Variants in SH3RF3 observed in about 807,000 individuals in gnomAD.
SH3RF3 encodes E3 ubiquitin-protein ligase SH3RF3.
Under a neutral mutation model 66.3 loss-of-function variants are expected in SH3RF3, and 29 were observed. That is an observed-to-expected ratio of 0.44 (90% confidence interval 0.33 to 0.60). SH3RF3 has a LOEUF of 0.60. SH3RF3 is among the 20% of genes least tolerant of loss of function. The probability of loss-of-function intolerance (pLI) is 0.04; values close to 1 mark genes in which losing one functional copy is unlikely to be tolerated. For missense variants in SH3RF3, 1,194 were observed against 1,190.9 expected (o/e 1.00, Z -0.04); for synonymous variants, 583 against 532.0 (o/e 1.10, Z -1.32).
At chr2:109,198,724 T>A (rs962481697) in intron 1 of SH3RF3, among the ~76,000 whole-genome samples, 4 of 152,088 alleles carry the variant, frequency 2.6e-5, no homozygotes, top group South Asian at 4.1e-4. Context: ...TTCGTGAAGG[T>A]TCCACCCTCA....
chr2:109,382,159 G>A (rs1439845203), intron 3 of SH3RF3, among the ~76,000 whole-genome samples: 1 of 152,222 alleles, frequency 6.6e-6, no homozygotes, highest in Non-Finnish European at 1.5e-5. Context: ...AGCACCTATT[G>A]TTAGGGAGTT....
intron 8 of SH3RF3, among the ~76,000 whole-genome samples, chr2:109,461,205 C>T (rs1400775762): frequency 6.6e-6 from 1 of 152,254 alleles, no homozygotes; most frequent in African/African-American, 2.4e-5. Flanking sequence ...CAGCTTTATG[C>T]TTGGTGGGTC....
chr2:109,174,728 G>A (rs1372248327), intron 1 of SH3RF3, among the ~76,000 whole-genome samples: 1 of 152,236 alleles, frequency 6.6e-6, no homozygotes, highest in Non-Finnish European at 1.5e-5. Flanking sequence ...TTTTAACCCA[G>A]CGTCTTTGGA....
Position 109,170,597 on chromosome 2 carries a change from G to A in SH3RF3, c.573+40484G>A, listed in dbSNP as rs367910867. Reference sequence around the variant, plus strand: ...CTGACCTCAACCTCGTGATCCACCCGCCTCGGCCACCCAAAGCGCTGGGAT... The same window carrying A: ...CTGACCTCAACCTCGTGATCCACCCACCTCGGCCACCCAAAGCGCTGGGAT... On this transcript the variant is annotated intron_variant, in intron 1 of 9. Coordinates refer to ENST00000309415, the MANE Select transcript of SH3RF3 (RefSeq NM_001099289.3). Among the ~76,000 whole-genome samples, 23 of 152,124 alleles carry A rather than the reference G, an allele frequency of 1.5e-4. No individual in the cohort carries two copies. In the East Asian group the frequency reaches 1.9e-3, roughly 13 times the overall value.
chr2:109,221,938 A>G (rs1679254120), intron 1 of SH3RF3, among the ~76,000 whole-genome samples: 1 of 152,158 alleles, frequency 6.6e-6, no homozygotes, highest in African/African-American at 2.4e-5. Context: ...CACAATAGCA[A>G]AGATGTGAAT....
At chr2:109,284,334 G>A (rs1680969013) in intron 1 of SH3RF3, among the ~76,000 whole-genome samples, 1 of 152,214 alleles carries the variant, frequency 6.6e-6, no homozygotes, top group Admixed American at 6.5e-5. Context: ...AAAGCATTCA[G>A]GGACTGATAG....
intron 1 of SH3RF3, chr2:109,251,701 T>G (rs1680096387): frequency 1.1e-6 from 1 of 907,642 alleles, no homozygotes; most frequent in Admixed American, 2.1e-5. Context: ...AGGTTCTATT[T>G]TACTATGATG....
At chr2:109,304,726 T>C (rs1405764851) in intron 1 of SH3RF3, among the ~76,000 whole-genome samples, 1 of 152,200 alleles carries the variant, frequency 6.6e-6, no homozygotes, top group Admixed American at 6.5e-5. Context: ...GACCACAGCA[T>C]ATAGGAGCTA....
chr2:109,213,739 C>T (rs1016051959), intron 1 of SH3RF3, among the ~76,000 whole-genome samples: 13 of 152,088 alleles, frequency 8.5e-5, no homozygotes, highest in Non-Finnish European at 1.5e-4. Flanking sequence ...GAGTGGGGAA[C>T]GTGGGGATGG....
rs568472913 is a variant in SH3RF3, at chr2:109,254,756, A to C, written c.574-92918A>C. 4.7e-4 allele frequency among the ~76,000 whole-genome samples: 71 copies of C among 152,156 alleles called. 1 individual carries two copies. The highest frequency in any genetic ancestry group is 1.6e-3 in the African/African-American group (67 of 41,506). ...AGGAGCCTCTCATTGCCGGGACTTT[A>C]GTGGCTCGGGACAGTGCCCCATGAG... is the stretch of plus-strand genomic sequence containing the variant. On this transcript the variant is annotated intron_variant, in intron 1 of 9. Transcript: ENST00000309415.
intron 1 of SH3RF3, among the ~76,000 whole-genome samples, chr2:109,243,942 T>C (rs766350140): frequency 1.5e-4 from 23 of 152,206 alleles, no homozygotes; most frequent in Non-Finnish European, 3.2e-4. Flanking sequence ...GCCACCGACA[T>C]GCAGCCATGG....
chr2:109,409,084 C>A (rs1676523312), intron 4 of SH3RF3, among the ~76,000 whole-genome samples: 1 of 152,212 alleles, frequency 6.6e-6, no homozygotes, highest in Non-Finnish European at 1.5e-5. Flanking sequence ...TTGAGATTTT[C>A]ATTCACCAAA....
intron 5 of SH3RF3, among the ~76,000 whole-genome samples, chr2:109,431,870 CAAAA>C (rs34815374): frequency 7.0e-6 from 1 of 142,906 alleles, no homozygotes; most frequent in Non-Finnish European, 1.5e-5. Context: ...GATGCTGTTT[CAAAA>C]AAAAAAAGGT....
At chr2:109,226,739 G>C (rs2105168941) in intron 1 of SH3RF3, among the ~76,000 whole-genome samples, 1 of 152,324 alleles carries the variant, frequency 6.6e-6, no homozygotes, top group African/African-American at 2.4e-5. Context: ...CGTGGTGCTG[G>C]ATCTTTAGGG....
intron 5 of SH3RF3, among the ~76,000 whole-genome samples, chr2:109,427,299 CA>C (rs879937994): frequency 5.9e-5 from 9 of 151,272 alleles, no homozygotes; most frequent in African/African-American, 7.4e-5. Context: ...AAGGTACTTA[CA>C]TTTTTTTAGA....
chr2:109,149,388 T>C (rs1677180255), intron 1 of SH3RF3, among the ~76,000 whole-genome samples: 1 of 152,230 alleles, frequency 6.6e-6, no homozygotes, highest in South Asian at 2.1e-4. Flanking sequence ...TCGTTATTAA[T>C]AACGTAGCTA....
At chr2:109,415,221 A>G (rs980092530) in intron 4 of SH3RF3, among the ~76,000 whole-genome samples, 1 of 152,210 alleles carries the variant, frequency 6.6e-6, no homozygotes, top group African/African-American at 2.4e-5. Context: ...TCTGACTTCA[A>G]CACCTTCTGA....
chr2:109,297,006 C>T (rs1379690070), intron 1 of SH3RF3, among the ~76,000 whole-genome samples: 1 of 152,128 alleles, frequency 6.6e-6, no homozygotes, highest in Non-Finnish European at 1.5e-5. Context: ...GTAGCATTCT[C>T]TTACTGAGCA....
chr2:109,265,285 C>G (rs1443387014), intron 1 of SH3RF3, among the ~76,000 whole-genome samples: 1 of 152,158 alleles, frequency 6.6e-6, no homozygotes, highest in Non-Finnish European at 1.5e-5. Context: ...AGCTCGTGGG[C>G]TGTGTTCGCC....
Sources: allele counts gnomAD v4.1 joint callset (sites outside exome capture counted in the v4.1 genomes callset), GRCh38; gene constraint gnomAD v4.1.1; transcripts MANE v1.5; gene names NCBI Gene and HGNC (gene_info 2026-07-23, HGNC 2026-07-21).